SIGLEC8: variants seen among roughly 807,000 people sequenced by gnomAD.
SIGLEC8 encodes sialic acid binding Ig like lectin 8.
Under a neutral mutation model 42.1 loss-of-function variants are expected in SIGLEC8, and 32 were observed. That is an observed-to-expected ratio of 0.76 (90% CI 0.57 to 1.02). The LOEUF (loss-of-function observed/expected upper bound fraction) is 1.02. Among genes scored for constraint, SIGLEC8 ranks in the 50% least tolerant of loss-of-function variants. The pLI, the probability that SIGLEC8 is intolerant of heterozygous loss-of-function variation, is 0.00. For synonymous variants in SIGLEC8, 262 were observed against 260.3 expected (o/e 1.01, Z -0.06); for missense variants, 611 against 610.2 (o/e 1.00, Z -0.01).
At position 51,454,277 on chromosome 19, in the gene SIGLEC8, G is replaced by A. The variant is rs556422718; in HGVS notation, c.1187C>T (p.Ala396Val). 24 of 1,613,962 alleles carry A rather than the reference G, an allele frequency of 1.5e-5. No individual in the cohort carries two copies. Among genetic ancestry groups the A allele is most frequent in the East Asian group, 4.5e-5 (2 of 44,876 alleles). Residue 396 changes from alanine (A) to valine (V), a missense_variant, in exon 6 of 7, where the codon GCG becomes GTG. By Grantham distance (64) the Ala-to-Val change is moderately conservative (BLOSUM62 0). Transcript: ENST00000321424. The surrounding 1 kb of genome is among the most constrained non-coding windows in gnomAD (Gnocchi z 4.7). ...SCRKKSARPA[A>V]GVGDTGMEDA... ...TTCCATGCCTGTATCCCCCACGCCC[G>A]CTGCTGGCCTTGCCGATTTCTTCCT...
Position 51,455,589 on chromosome 19 carries a change from T to C in SIGLEC8, c.880A>G (p.Ser294Gly), listed in dbSNP as rs568780682. 2 of 1,614,118 alleles carry C rather than the reference T, an allele frequency of 1.2e-6. No homozygotes were observed. Among genetic ancestry groups the C allele is most frequent in the Non-Finnish European group, 8.5e-7 (1 of 1,180,010 alleles). Reference sequence around the variant, plus strand: ...AGGGTCAGGCTCCCCCGGGTCCAGCTCAGCCTGGCAGGGGGATTGCTGTTG... The same window carrying C: ...AGGGTCAGGCTCCCCCGGGTCCAGCCCAGCCTGGCAGGGGGATTGCTGTTG... ...AVNSNPPARL[S>G]WTRGSLTLCP... The change falls in exon 4 of 7, where the codon AGC (serine) becomes GGC (glycine). Residue 294 changes from serine to glycine, a missense_variant. Transcript: ENST00000321424.
At chr19:51,456,799 T>C (rs919240670) in intron 3 of SIGLEC8, among the ~76,000 whole-genome samples, 15 of 152,192 alleles carry the variant, frequency 9.9e-5, no homozygotes, top group African/African-American at 3.1e-4. Context: ...CAGAAGTACT[T>C]AGATCGAAAC....
chr19:51,458,364 C>A lies in SIGLEC8; in HGVS notation c.24G>T (p.Leu8=), dbSNP rs1457044875. MLLLLLL[L]PLLWGTKGME... ...TCCCCTTTGTCCCCCAGAGCAGGGGCAGCAGCAGCAGCAGCAGCAGCATGT... is the reference window on the plus strand; with the variant it reads ...TCCCCTTTGTCCCCCAGAGCAGGGGAAGCAGCAGCAGCAGCAGCAGCATGT... The change falls in exon 1 of 7, where the codon CTG becomes CTT. Residue 8 remains leucine, a synonymous_variant. Coordinates refer to ENST00000321424, the MANE Select transcript of SIGLEC8 (RefSeq NM_014442.3). 6.3e-7 allele frequency: 1 copy of A among 1,584,946 alleles called. No individual in the cohort carries two copies. The highest frequency in any genetic ancestry group is 8.6e-7 in the Non-Finnish European group (1 of 1,161,532).
chr19:51,452,309 G>A lies in SIGLEC8; in HGVS notation c.*70C>T. On this transcript the variant is annotated 3_prime_UTR_variant, in exon 7 of 7. Coordinates refer to ENST00000321424, the MANE Select transcript of SIGLEC8 (RefSeq NM_014442.3). ...GAGACATTGGTCCAAGTTTTGGTTA[G>A]ACAGGAGGAGGGAGCCCTGGTGACC... 7.2e-7 allele frequency: 1 copy of A among 1,385,626 alleles called. No homozygotes were observed. Among genetic ancestry groups the A allele is most frequent in the Non-Finnish European group, 9.8e-7 (1 of 1,022,088 alleles). 85.8% of individuals were successfully genotyped at this position (1,385,626 alleles called of 1,614,324 possible). A position where few individuals can be genotyped will look rare whatever the true frequency, so the allele number is the denominator to read the frequency against.
Position 51,458,362 on chromosome 19 carries a change from GGCA to G in SIGLEC8, c.23_25del (p.Leu8del), listed in dbSNP as rs759624842. The stretch of plus-strand genomic sequence containing the variant: ...CATCCCCTTTGTCCCCCAGAGCAGG[GGCA>G]GCAGCAGCAGCAGCAGCAGCATGTC... On this transcript the variant is annotated inframe_deletion, in exon 1 of 7. Transcript: ENST00000321424. 1.4e-4 allele frequency: 217 copies of G among 1,606,474 alleles called. No individual in the cohort carries two copies. The highest frequency in any genetic ancestry group is 2.1e-4 in the South Asian group (19 of 90,506).
chr19:51,452,340 C>T lies in SIGLEC8; in HGVS notation c.*39G>A, dbSNP rs1363375992. 6.5e-7 allele frequency: 1 copy of T among 1,532,386 alleles called. No individual in the cohort carries two copies. Among genetic ancestry groups the T allele is most frequent in the Non-Finnish European group, 8.9e-7 (1 of 1,125,486 alleles). 94.9% of individuals were successfully genotyped at this position (1,532,386 alleles called of 1,614,324 possible). ...AGGAGGGAGCCCTGGTGACCTACTG[C>T]ATAGCATGGGGCTCTAGAGGGTTCT... is the stretch of plus-strand genomic sequence containing the variant. On this transcript the variant is annotated 3_prime_UTR_variant, in exon 7 of 7. Coordinates refer to ENST00000321424, the MANE Select transcript of SIGLEC8 (RefSeq NM_014442.3).
At chr19:51,453,641 G>A in intron 6 of SIGLEC8, 1 of 632,624 alleles carries the variant, frequency 1.6e-6, no homozygotes, top group Non-Finnish European at 2.0e-6. Context: ...GTTGCAGTGA[G>A]CCGAGATTGC....
Position 51,457,248 on chromosome 19 carries a change from T to A in SIGLEC8, c.734-17A>T. The A allele has an allele frequency of 6.2e-7, 1 of 1,611,128 alleles. No homozygotes were observed. The highest frequency in any genetic ancestry group is 1.3e-5 in the African/African-American group (1 of 74,902). On this transcript the variant is annotated splice_polypyrimidine_tract_variant and intron_variant, in intron 2 of 6. Coordinates refer to ENST00000321424, the MANE Select transcript of SIGLEC8 (RefSeq NM_014442.3). The stretch of plus-strand genomic sequence containing the variant: ...AAGGAGGGTCTGGGACAGAAAGACA[T>A]GAAGACCCACATTACTATAAGGACT...
rs1302948153 is a variant in SIGLEC8, at chr19:51,451,220, TC to T, written c.*1158del. 1.3e-5 allele frequency: 2 copies of T among 151,888 alleles called. No individual in the cohort carries two copies. The highest frequency in any genetic ancestry group is 6.6e-5 in the Admixed American group (1 of 15,232). The allele number at this position is 151,888 out of a possible 1,614,324, so 9.4% of individuals were successfully genotyped here. A position where few individuals can be genotyped will look rare whatever the true frequency, so the allele number is the denominator to read the frequency against. ...GAACCACCCCCATGATCCTATCACCTCCCACCAGGTCCCTCCCCCAACACAT... is the reference window on the plus strand; with the variant it reads ...GAACCACCCCCATGATCCTATCACCTCCACCAGGTCCCTCCCCCAACACAT... On this transcript the variant is annotated 3_prime_UTR_variant, in exon 7 of 7. Transcript: ENST00000321424.
chr19:51,453,574 A>G (rs548378084), intron 6 of SIGLEC8: 1 of 389,006 alleles, frequency 2.6e-6, no homozygotes, highest in East Asian at 1.6e-4. Flanking sequence ...GCGTGCCTGT[A>G]ATCCTGGCTA....
At chr19:51,453,910 G>A in intron 6 of SIGLEC8, 1 of 985,272 alleles carries the variant, frequency 1.0e-6, no homozygotes, top group African/African-American at 1.7e-5. Flanking sequence ...GATGGCTGGG[G>A]CCAGGGAGAA....
chr19:51,452,704 G>A lies in SIGLEC8; in HGVS notation c.1246-71C>T. On this transcript the variant is annotated intron_variant, in intron 6 of 6. Transcript: ENST00000321424. ...GGATGAGGCAGGGAGAGTCCAGGAA[G>A]GAGGCCCAGGAGGTCCGTCCTCCAT... 4.5e-6 allele frequency: 6 copies of A among 1,342,114 alleles called. No homozygotes were observed. In the South Asian group the frequency reaches 1.3e-4, roughly 29 times the overall value. The allele number at this position is 1,342,114 out of a possible 1,614,324, so 83.1% of individuals were successfully genotyped here.
Position 51,457,236 on chromosome 19 carries a change from G to T in SIGLEC8, c.734-5C>A. 1.2e-6 allele frequency: 2 copies of T among 1,612,890 alleles called. No individual in the cohort carries two copies. The highest frequency in any genetic ancestry group is 1.7e-6 in the Non-Finnish European group (2 of 1,179,252). ...TGGTCAAGTTCCAAGGAGGGTCTGGGACAGAAAGACATGAAGACCCACATT... is the reference window on the plus strand; with the variant it reads ...TGGTCAAGTTCCAAGGAGGGTCTGGTACAGAAAGACATGAAGACCCACATT... On this transcript the variant is annotated splice_region_variant and splice_polypyrimidine_tract_variant and intron_variant, in intron 2 of 6. Coordinates refer to ENST00000321424, the MANE Select transcript of SIGLEC8 (RefSeq NM_014442.3).
In SIGLEC8 at chr19:51,454,381, C is replaced by T. The variant is rs1989440610; in HGVS notation, c.1149-66G>A. On this transcript the variant is annotated intron_variant, in intron 5 of 6. Transcript: ENST00000321424. This position sits in a 1 kb window ranked among gnomAD's most constrained non-coding sequence, Gnocchi z 4.7. ...CGGGGTGCAGTGGGCAGACCAACCC[C>T]TGCCCTGTATTTCCTACTGGGGGCT... is the stretch of plus-strand genomic sequence containing the variant. 1 of 1,611,486 alleles carries T rather than the reference C, an allele frequency of 6.2e-7. No homozygotes were observed.
chr19:51,457,687 G>A lies in SIGLEC8; in HGVS notation c.507C>T (p.His169=). The A allele has an allele frequency of 2.5e-6, 4 of 1,606,042 alleles. No homozygotes were observed. Among genetic ancestry groups the A allele is most frequent in the Admixed American group, 1.7e-5 (1 of 59,028 alleles). ...ILILGTLESG[H]SRNLTCSVPW... ...GCACAGAGCAGGTCAGGTTCCTGGAGTGGCCAGACTCTAGGGTCCCTAGGA... is the reference window on the plus strand; with the variant it reads ...GCACAGAGCAGGTCAGGTTCCTGGAATGGCCAGACTCTAGGGTCCCTAGGA... The change falls in exon 2 of 7, where the codon CAC becomes CAT. Residue 169 remains histidine (H), a synonymous_variant. Coordinates refer to ENST00000321424, the MANE Select transcript of SIGLEC8 (RefSeq NM_014442.3).
chr19:51,455,830 G>A, intron 3 of SIGLEC8, 143 bp from the exon 4 acceptor site: 1 of 711,908 alleles, frequency 1.4e-6, no homozygotes, highest in South Asian at 2.0e-5. Context: ...CAGCCCAAAT[G>A]TCCAACAATG....
chr19:51,456,723 T>C (rs556817486), intron 3 of SIGLEC8, among the ~76,000 whole-genome samples: 40 of 152,246 alleles, frequency 2.6e-4, no homozygotes, highest in African/African-American at 9.6e-4. Flanking sequence ...TGGAGGGGGA[T>C]GGGCACTGGA....
In SIGLEC8 at chr19:51,454,680, T is replaced by C; in HGVS notation, c.1148+4A>G. 3 of 1,609,974 alleles carry C rather than the reference T, an allele frequency of 1.9e-6. No homozygotes were observed. The highest frequency in any genetic ancestry group is 2.5e-6 in the Non-Finnish European group (3 of 1,176,512). On this transcript the variant is annotated splice_donor_region_variant and intron_variant, in intron 5 of 6. Coordinates refer to ENST00000321424, the MANE Select transcript of SIGLEC8 (RefSeq NM_014442.3). This position sits in a 1 kb window ranked among gnomAD's most constrained non-coding sequence, Gnocchi z 4.7. ...CTCTCTCCCTCCCCAGGGTCAATGC[T>C]CACATGATGAAGATGATGCAGAAGG... is the stretch of plus-strand genomic sequence containing the variant.
Position 51,452,499 on chromosome 19 carries a change from C to A in SIGLEC8, c.1380G>T (p.Pro460=), listed in dbSNP as rs144430194. 3 of 1,610,296 alleles carry A rather than the reference C, an allele frequency of 1.9e-6. No individual in the cohort carries two copies. Among genetic ancestry groups the A allele is most frequent in the African/African-American group, 1.3e-5 (1 of 74,856 alleles). The change falls in exon 7 of 7, where the codon CCG becomes CCT. Residue 460 remains proline, a synonymous_variant. Transcript: ENST00000321424. ...CACTGTCAGTGGCCTCCTGTCCCTG[C>A]GGGTCCTGAGGCTTCACTTTATGGA... is the stretch of plus-strand genomic sequence containing the variant. ...LSFHKVKPQD[P]QGQEATDSEY... is the part of the protein sequence containing the mutation.
Sources: allele counts gnomAD v4.1 joint callset (sites outside exome capture counted in the v4.1 genomes callset), GRCh38; gene constraint gnomAD v4.1.1; non-coding constraint Gnocchi (gnomAD v3.1); transcripts MANE v1.5; gene names NCBI Gene and HGNC (gene_info 2026-07-23, HGNC 2026-07-21).